Variants in ZNF804A observed in about 807,000 individuals in gnomAD.
The protein encoded by ZNF804A is zinc finger protein 804A.
ZNF804A carries 2 observed loss-of-function variants against 16.5 expected under a neutral mutation model. The ratio of observed to expected loss-of-function variants is 0.12; its 90% CI spans 0.05 to 0.38. The LOEUF is 0.38. ZNF804A is among the 10% of genes least tolerant of loss of function. The pLI is 0.99. For synonymous variants in ZNF804A, 534 were observed against 489.6 expected (o/e 1.09, Z -1.20); for missense variants, 1,473 against 1,390.7 (o/e 1.06, Z -0.94).
chr2:184,929,446 G>A (rs1044800760), intron 2 of ZNF804A, among the ~76,000 whole-genome samples: 1 of 151,718 alleles, frequency 6.6e-6, no homozygotes, highest in Non-Finnish European at 1.5e-5. Flanking sequence ...TGTAATCATT[G>A]ATTATTACAT....
chr2:184,911,420 T>C lies in ZNF804A; in HGVS notation c.256-22183T>C, dbSNP rs544754245. ...TAGTAACATGATACTTCTGGCTTCA[T>C]ACATTTTGCTTAAGATTGTTTTGGC... is the stretch of plus-strand genomic sequence containing the variant. On this transcript the variant is annotated intron_variant, in intron 2 of 3. Transcript: ENST00000302277. 9.2e-5 allele frequency among the ~76,000 whole-genome samples: 14 copies of C among 152,210 alleles called. No individual in the cohort carries two copies. In the South Asian group the frequency reaches 2.5e-3, roughly 27 times the overall value.
At chr2:184,627,166 T>C (rs1691518880) in intron 1 of ZNF804A, among the ~76,000 whole-genome samples, 1 of 152,192 alleles carries the variant, frequency 6.6e-6, no homozygotes. Context: ...AGGAAATTCA[T>C]TAATTATGGT....
chr2:184,851,980 GTCT>G (rs1037269907), intron 1 of ZNF804A, among the ~76,000 whole-genome samples: 4 of 151,586 alleles, frequency 2.6e-5, no homozygotes, highest in Non-Finnish European at 4.4e-5. Context: ...GCATTCGTAT[GTCT>G]TCTTCTGAAA....
chr2:184,927,899 C>T (rs766381592), intron 2 of ZNF804A, among the ~76,000 whole-genome samples: 12 of 152,020 alleles, frequency 7.9e-5, no homozygotes, highest in African/African-American at 2.2e-4. Flanking sequence ...TGGCCCAAGG[C>T]GGATCCAGAA....
At chr2:184,760,994 G>T (rs566732253) in intron 1 of ZNF804A, among the ~76,000 whole-genome samples, 2 of 151,818 alleles carry the variant, frequency 1.3e-5, no homozygotes, top group East Asian at 3.9e-4. Flanking sequence ...TCCTTTTCTC[G>T]GTCATATAAC....
At chr2:184,779,833 G>A (rs1574208676) in intron 1 of ZNF804A, among the ~76,000 whole-genome samples, 1 of 151,696 alleles carries the variant, frequency 6.6e-6, no homozygotes, top group East Asian at 1.9e-4. Context: ...CTCTAGAGAT[G>A]TCAGATAATG....
chr2:184,661,732 C>A (rs1692178689), intron 1 of ZNF804A, among the ~76,000 whole-genome samples: 1 of 152,172 alleles, frequency 6.6e-6, no homozygotes, highest in Admixed American at 6.5e-5. Flanking sequence ...CTGAATTCAA[C>A]TGTCTTTGGC....
At chr2:184,813,926 T>G (rs1694936460) in intron 1 of ZNF804A, among the ~76,000 whole-genome samples, 1 of 151,308 alleles carries the variant, frequency 6.6e-6, no homozygotes, top group South Asian at 2.1e-4. Flanking sequence ...AGTACATGCT[T>G]CAGGTTTTTA....
At chr2:184,802,661 T>C (rs1694745348) in intron 1 of ZNF804A, among the ~76,000 whole-genome samples, 1 of 152,220 alleles carries the variant, frequency 6.6e-6, no homozygotes. Flanking sequence ...AATTCTCTGA[T>C]GAGTGCAAGG....
chr2:184,730,532 A>G (rs1339022048), intron 1 of ZNF804A, among the ~76,000 whole-genome samples: 6 of 152,246 alleles, frequency 3.9e-5, no homozygotes, highest in Non-Finnish European at 7.4e-5. Context: ...GCTGTATTCA[A>G]CCTTCCCTTT....
rs577043764 is a variant in ZNF804A, at chr2:184,722,734, G to C, written c.111+123664G>C. ...CAATGACTCTATACTCAGAATTAAG[G>C]TGAAATGTCATTTATCTTTTCTAGA... On this transcript the variant is annotated intron_variant, in intron 1 of 3. Coordinates refer to ENST00000302277, the MANE Select transcript of ZNF804A (RefSeq NM_194250.2). Among the ~76,000 whole-genome samples the C allele has an allele frequency of 3.9e-5, 6 of 152,060 alleles. No individual in the cohort carries two copies. The East Asian group carries it at 1.2e-3, about 29-fold the overall frequency.
chr2:184,854,062 C>T (rs1241431720), intron 1 of ZNF804A, among the ~76,000 whole-genome samples: 1 of 151,656 alleles, frequency 6.6e-6, no homozygotes, highest in Non-Finnish European at 1.5e-5. Context: ...TGATGGGAGA[C>T]TTCTTATTTA....
At chr2:184,900,455 A>G (rs1265508084) in intron 2 of ZNF804A, among the ~76,000 whole-genome samples, 2 of 152,138 alleles carry the variant, frequency 1.3e-5, no homozygotes, top group Non-Finnish European at 1.5e-5. Context: ...GTAGATCACC[A>G]CAACACTACA....
intron 2 of ZNF804A, among the ~76,000 whole-genome samples, chr2:184,878,681 C>T (rs914185971): frequency 6.6e-6 from 1 of 151,802 alleles, no homozygotes; most frequent in African/African-American, 2.4e-5. Context: ...TGGAGGATGG[C>T]TCAGGTAAAC....
chr2:184,815,126 T>C (rs1316702977), intron 1 of ZNF804A, among the ~76,000 whole-genome samples: 3 of 152,044 alleles, frequency 2.0e-5, no homozygotes, highest in African/African-American at 7.2e-5. Context: ...TACCAATTAC[T>C]ACAATTTGAA....
At chr2:184,763,354 C>T (rs1023643839) in intron 1 of ZNF804A, among the ~76,000 whole-genome samples, 2 of 152,082 alleles carry the variant, frequency 1.3e-5, no homozygotes, top group South Asian at 4.2e-4. Flanking sequence ...GATTCGTAGA[C>T]AGCCATATGA....
In ZNF804A at chr2:184,936,061, C is replaced by G; in HGVS notation, c.665C>G (p.Ala222Gly). ...TTTTCTTTTGCATTTCCAAAGAAAG[C>G]GTCCGTGAAGCTAGAGTCCTCAGCT... ...IGFSFAFPKKASVKLESSAAA... is the reference protein window; with the variant it reads ...IGFSFAFPKKGSVKLESSAAA... The change falls in exon 4 of 4, where the codon GCG (alanine) becomes GGG (glycine). Residue 222 changes from alanine to glycine, a missense_variant. Transcript: ENST00000302277. 2 of 1,613,978 alleles carry G rather than the reference C, an allele frequency of 1.2e-6. No individual in the cohort carries two copies. Among genetic ancestry groups the G allele is most frequent in the Non-Finnish European group, 1.7e-6 (2 of 1,179,940 alleles).
At chr2:184,898,540 G>C (rs954951065) in intron 2 of ZNF804A, among the ~76,000 whole-genome samples, 4 of 151,956 alleles carry the variant, frequency 2.6e-5, no homozygotes, top group African/African-American at 7.2e-5. Context: ...ACTGCAAATT[G>C]TTTACAAAGT....
intron 2 of ZNF804A, among the ~76,000 whole-genome samples, chr2:184,906,958 A>C (rs1407744136): frequency 1.3e-5 from 2 of 152,226 alleles, no homozygotes; most frequent in East Asian, 1.9e-4. Flanking sequence ...GGCAGCATGC[A>C]GTAGATAAGG....
Sources: gnomAD v4.1 joint callset for allele counts (sites outside exome capture counted in the v4.1 genomes callset) on GRCh38, gnomAD v4.1.1 for gene constraint, MANE v1.5 for transcripts, NCBI Gene and HGNC (gene_info 2026-07-23, HGNC 2026-07-21) for gene names.